Variants in HGS observed in about 807,000 individuals in gnomAD.
HGS encodes the protein hepatocyte growth factor-regulated tyrosine kinase substrate.
A neutral mutation model predicts 109.7 loss-of-function variants in HGS; 63 were observed. The ratio of observed to expected loss-of-function variants is 0.57; its 90% CI spans 0.47 to 0.71. The LOEUF is 0.71. Among genes scored for constraint, HGS ranks in the 30% least tolerant of loss-of-function variants. The pLI is 0.00. For synonymous variants in HGS, 546 were observed against 437.3 expected, an observed-to-expected ratio of 1.25 and a Z score of -3.10; for missense variants, 995 against 1,068.3, an observed-to-expected ratio of 0.93 and a Z score of 0.96.
Position 81,701,684 on chromosome 17 carries a change from T to G in HGS, c.*66T>G, listed in dbSNP as rs2037240061. On this transcript the variant is annotated 3_prime_UTR_variant, in exon 22 of 22. Transcript: ENST00000329138. ...TCACCTGAAACGCCTCGTCTCTAAC[T>G]GCCGTCGTCCTGCCTCCCTGTCCTC... 5.3e-6 allele frequency: 8 copies of G among 1,504,718 alleles called. No homozygotes were observed. The highest frequency in any genetic ancestry group is 6.2e-6 in the Non-Finnish European group (7 of 1,123,046). 93.2% of individuals were successfully genotyped at this position (1,504,718 alleles called of 1,614,324 possible).
intron 14 of HGS, 52 bp downstream of exon 14, chr17:81,695,275 A>G (rs2037127817): frequency 3.2e-6 from 5 of 1,571,466 alleles, no homozygotes; most frequent in Non-Finnish European, 3.5e-6. Context: ...CTCCTGGCCC[A>G]CAGCGCCAGG....
rs370999519 is a variant in HGS at position 81,684,228 on chromosome 17, C to A, written c.37+125C>A. On this transcript the variant is annotated intron_variant, in intron 1 of 21. Coordinates refer to ENST00000329138, the MANE Select transcript of HGS (RefSeq NM_004712.5). ...CCGCCCTGCCCGCCTCTCCCCGGCCCGCTGTCCTCCCGGGTTCGGAGCCGC... is the reference window on the plus strand; with the variant it reads ...CCGCCCTGCCCGCCTCTCCCCGGCCAGCTGTCCTCCCGGGTTCGGAGCCGC... The A allele has an allele frequency of 8.0e-5, 72 of 901,470 alleles. No individual in the cohort carries two copies. The East Asian group carries it at 1.7e-3, about 22-fold the overall frequency. 55.8% of individuals were successfully genotyped at this position (901,470 alleles called of 1,614,324 possible). A position where few individuals can be genotyped will look rare whatever the true frequency, so the allele number is the denominator to read the frequency against.
At chr17:81,685,577 C>A in intron 1 of HGS, 28 bp from the exon 2 acceptor site, 1 of 1,578,268 alleles carries the variant, frequency 6.3e-7, no homozygotes, top group South Asian at 1.1e-5. Context: ...AGGATAACCC[C>A]TCCCTTTCAT....
At chr17:81,686,509 G>A (rs899666207) in intron 3 of HGS, 122 bp downstream of exon 3, 1 of 699,062 alleles carries the variant, frequency 1.4e-6, no homozygotes, top group African/African-American at 1.8e-5. Flanking sequence ...AAGCAGGAGA[G>A]TTTCCACTCA....
chr17:81,700,539 C>T lies in HGS; in HGVS notation c.1955C>T (p.Ala652Val). The change falls in exon 19 of 22, where the codon GCC becomes GTC. Residue 652 changes from alanine (A) to valine (V), a missense_variant. Transcript: ENST00000329138. The part of the protein sequence containing the change: ...TGAQAAPQAQ[A>V]GPTASPAYSS... ...GCGCAGGCGGCCCCCCAGGCCCAGG[C>T]CGGACCCACCGCCAGCCCCGCTTAC... 6.2e-7 allele frequency: 1 copy of T among 1,610,634 alleles called. No homozygotes were observed. The highest frequency in any genetic ancestry group is 8.5e-7 in the Non-Finnish European group (1 of 1,178,456).
At chr17:81,693,609 A>C (rs779307394) in intron 9 of HGS, 28 bp downstream of exon 9, 1 of 1,535,750 alleles carries the variant, frequency 6.5e-7, no homozygotes, top group East Asian at 2.3e-5. Flanking sequence ...TCCCGTGGGC[A>C]CCTCTTCCCC....
chr17:81,696,541 GC>G lies in HGS; in HGVS notation c.1566+15del. ...GGCAGAAGAAGCAGGTGCAGTGGCT[GC>G]CCAGCCACAGGCCGGGGCCGGCTGG... On this transcript the variant is annotated intron_variant, in intron 16 of 21. Transcript: ENST00000329138. 1 of 1,534,080 alleles carries G rather than the reference GC, an allele frequency of 6.5e-7. No individual in the cohort carries two copies. The highest frequency in any genetic ancestry group is 1.2e-5 in the South Asian group (1 of 81,552).
Position 81,700,520 on chromosome 17 carries a change from G to T in HGS, c.1936G>T (p.Ala646Ser). 7.5e-6 allele frequency: 12 copies of T among 1,608,266 alleles called. No individual in the cohort carries two copies. Among genetic ancestry groups the T allele is most frequent in the Non-Finnish European group, 1.0e-5 (12 of 1,177,288 alleles). Reference protein sequence around the residue: ...MYPAGATGAQAAPQAQAGPTA... With the variant: ...MYPAGATGAQSAPQAQAGPTA... ...CCCAGCAGGGGCCACTGGGGCGCAG[G>T]CGGCCCCCCAGGCCCAGGCCGGACC... is the stretch of plus-strand genomic sequence containing the variant. The change falls in exon 19 of 22, where the codon GCG (alanine) becomes TCG (serine). Residue 646 changes from alanine (A) to serine (S), a missense_variant. By Grantham distance (99) the Ala-to-Ser change is moderately conservative. Transcript: ENST00000329138.
intron 21 of HGS, 122 bp downstream of exon 21, chr17:81,701,253 C>A: frequency 1.1e-6 from 1 of 921,102 alleles, no homozygotes. Flanking sequence ...GGGGGAGACG[C>A]ATACCCGAGG....
intron 4 of HGS, 99 bp downstream of exon 4, chr17:81,687,194 C>T (rs761998622): frequency 3.2e-5 from 26 of 805,374 alleles, no homozygotes; most frequent in Non-Finnish European, 5.0e-5. Context: ...CCAGGTGTGG[C>T]GGAAAATGTG....
chr17:81,701,334 A>G lies in HGS; in HGVS notation c.2224-174A>G, dbSNP rs752011272. 6 of 845,562 alleles carry G rather than the reference A, an allele frequency of 7.1e-6. No homozygotes were observed. The South Asian group carries it at 1.0e-4, about 14-fold the overall frequency. 52.4% of individuals were successfully genotyped at this position (845,562 alleles called of 1,614,324 possible). ...ACGCGCATCCGCAAGTGTAGACAGG[A>G]AAAACCGTGAATTTACTTGAAAGGC... On this transcript the variant is annotated intron_variant, in intron 21 of 21. Coordinates refer to ENST00000329138, the MANE Select transcript of HGS (RefSeq NM_004712.5).
In HGS at chr17:81,686,884, G is replaced by A. The variant is rs558333324; in HGVS notation, c.199-119G>A. The A allele has an allele frequency of 7.4e-4, 554 of 753,526 alleles. 11 individuals are homozygous for A. In the South Asian group the frequency reaches 8.6e-3, roughly 12 times the overall value. The allele number at this position is 753,526 out of a possible 1,614,324, so 46.7% of individuals were successfully genotyped here. ...CTGCTGTCCCACCGGGTTCCCCACCGGCCACTGACGGGCCTGTCGAAGGGC... is the reference window on the plus strand; with the variant it reads ...CTGCTGTCCCACCGGGTTCCCCACCAGCCACTGACGGGCCTGTCGAAGGGC... On this transcript the variant is annotated intron_variant, in intron 3 of 21. Coordinates refer to ENST00000329138, the MANE Select transcript of HGS (RefSeq NM_004712.5).
intron 20 of HGS, 39 bp downstream of exon 20, chr17:81,700,853 G>A: frequency 1.3e-6 from 2 of 1,592,812 alleles, no homozygotes; most frequent in Non-Finnish European, 8.6e-7. Context: ...GCCAGGGTGG[G>A]GGAGCAGTTG....
rs1598747448 is a variant in HGS at position 81,693,738 on chromosome 17, GAGA to G, written c.829_831del (p.Lys277del). 3 of 1,554,812 alleles carry G rather than the reference GAGA, an allele frequency of 1.9e-6. No individual in the cohort carries two copies. The highest frequency in any genetic ancestry group is 1.4e-5 in the African/African-American group (1 of 73,622). ...GGCGCTGTCACAGTCAGAGGCGGAG[GAGA>G]AGGAGAGGCTGGTAAGCCGGGTGGG... On this transcript the variant is annotated inframe_deletion, in exon 10 of 22. Transcript: ENST00000329138.
chr17:81,685,794 C>T (rs751102135), intron 2 of HGS, 105 bp downstream of exon 2: 10 of 791,512 alleles, frequency 1.3e-5, no homozygotes, highest in African/African-American at 3.5e-5. Context: ...CCGTGTTAGG[C>T]TCTTATGTGG....
At chr17:81,700,661 G>C (rs192157297) in intron 19 of HGS, 34 bp from the exon 20 acceptor site, 22,537 of 1,024,828 alleles carry the variant, frequency 0.022, 205 homozygotes, top group Middle Eastern at 0.028. Context: ...CCCAGCCCCA[G>C]CCCCTTCTCC....
chr17:81,689,500 T>C (rs2144489256), intron 5 of HGS, among the ~76,000 whole-genome samples: 1 of 152,158 alleles, frequency 6.6e-6, no homozygotes, highest in East Asian at 1.9e-4. Flanking sequence ...TGGCTGGTGC[T>C]CAGGGCCCAC....
chr17:81,692,635 C>T (rs944608891), intron 8 of HGS: 4 of 152,312 alleles, frequency 2.6e-5, no homozygotes, highest in African/African-American at 9.6e-5. Flanking sequence ...CTGCCGTTTC[C>T]CTGTGCTGGG....
At chr17:81,693,090 G>A (rs112295646) in intron 8 of HGS, 3,024 of 186,168 alleles carry the variant, frequency 0.016, 33 homozygotes, top group Non-Finnish European at 0.024. Context: ...GTGAGCCTGC[G>A]GCCCTTGGAC....
Sources: allele counts gnomAD v4.1 joint callset (sites outside exome capture counted in the v4.1 genomes callset), GRCh38; gene constraint gnomAD v4.1.1; transcripts MANE v1.5; gene names NCBI Gene and HGNC (gene_info 2026-07-23, HGNC 2026-07-21).